Variants in NBEAL1 observed in about 807,000 individuals in gnomAD.
The protein encoded by NBEAL1 is neurobeachin-like protein 1.
In NBEAL1, 273 loss-of-function variants were observed where a neutral mutation model predicts 351.3. The ratio of observed to expected loss-of-function variants is 0.78; its 90% CI spans 0.70 to 0.86. NBEAL1 has a LOEUF of 0.86. Ranked by LOEUF, NBEAL1 falls within the 40% of genes least tolerant of loss-of-function variation. The pLI, the probability that NBEAL1 is intolerant of heterozygous loss-of-function variation, is 0.00. For missense variants in NBEAL1, 2,961 were observed against 3,201.3 expected, an observed-to-expected ratio of 0.92 and a Z score of 1.81; for synonymous variants, 1,050 against 1,086.4, an observed-to-expected ratio of 0.97 and a Z score of 0.66.
chr2:203,084,269 G>A (rs76683651), intron 9 of NBEAL1, among the ~76,000 whole-genome samples, 194 bp from the exon 10 acceptor site: 2 of 151,994 alleles, frequency 1.3e-5, no homozygotes, highest in African/African-American at 2.4e-5. Flanking sequence ...CACTCATAAC[G>A]AACATTAATT....
At chr2:203,199,761 C>T (rs930471940) in intron 49 of NBEAL1, among the ~76,000 whole-genome samples, 10 of 151,900 alleles carry the variant, frequency 6.6e-5, no homozygotes, top group South Asian at 2.1e-4. Flanking sequence ...GATTATAGGC[C>T]GCCTGGCCCT....
intron 8 of NBEAL1, among the ~76,000 whole-genome samples, chr2:203,078,050 T>G (rs908983670): frequency 6.6e-6 from 1 of 152,160 alleles, no homozygotes; most frequent in Non-Finnish European, 1.5e-5. Flanking sequence ...TAAACAAATT[T>G]AACAATTTTT....
intron 36 of NBEAL1, among the ~76,000 whole-genome samples, chr2:203,165,516 G>A (rs1050029137): frequency 5.9e-5 from 9 of 152,128 alleles, no homozygotes; most frequent in African/African-American, 2.2e-4. Context: ...TAACTAAAAT[G>A]ACATGACCAA....
Position 203,107,988 on chromosome 2 carries a change from C to G in NBEAL1, c.1749C>G (p.Ile583Met). The part of the protein sequence containing the change: ...HPYVTPVTRA[I>M]LTMARKLSLE... ...ATGTCACTCCCGTGACTCGAGCAAT[C>G]CTGACAATGGCCCGAAAACTAAGTC... Residue 583 changes from isoleucine (I) to methionine (M), a missense_variant, in exon 14 of 56, where the codon ATC becomes ATG. Physicochemically the swap from Ile to Met is conservative, Grantham distance 10. Transcript: ENST00000683969. 1 of 1,554,726 alleles carries G rather than the reference C, an allele frequency of 6.4e-7. No individual in the cohort carries two copies. The highest frequency in any genetic ancestry group is 8.7e-7 in the Non-Finnish European group (1 of 1,148,004).
intron 12 of NBEAL1, among the ~76,000 whole-genome samples, 157 bp from the exon 13 acceptor site, chr2:203,107,263 A>G (rs1249849983): frequency 1.3e-5 from 2 of 152,176 alleles, no homozygotes; most frequent in African/African-American, 4.8e-5. Flanking sequence ...TTTTAAAATG[A>G]AGACATGATT....
At chr2:203,109,238 T>C (rs1471731101) in intron 14 of NBEAL1, among the ~76,000 whole-genome samples, 1 of 152,076 alleles carries the variant, frequency 6.6e-6, no homozygotes, top group Non-Finnish European at 1.5e-5. Context: ...ATGCCTGTAA[T>C]CCCAGCTACT....
intron 8 of NBEAL1, among the ~76,000 whole-genome samples, chr2:203,078,973 A>G (rs2061826200): frequency 6.6e-6 from 1 of 152,256 alleles, no homozygotes; most frequent in Admixed American, 6.5e-5. Context: ...ACTTCCAAGA[A>G]GAAATTAGCA....
In NBEAL1 at chr2:203,172,837, A is replaced by G. The variant is rs1411946373; in HGVS notation, c.6307A>G (p.Lys2103Glu). 6.2e-7 allele frequency: 1 copy of G among 1,609,440 alleles called. No individual in the cohort carries two copies. The highest frequency in any genetic ancestry group is 1.1e-5 in the South Asian group (1 of 89,934). The change falls in exon 41 of 56, where the codon AAA becomes GAA. Residue 2103 changes from lysine to glutamate, a missense_variant. Coordinates refer to ENST00000683969, the MANE Select transcript of NBEAL1 (RefSeq NM_001378026.1). Reference sequence around the variant, plus strand: ...TGGGGTAGTTAATGAAAAAAACGCCAAAGCTATGAGAGAAAAGTAAGTGCT... The same window carrying G: ...TGGGGTAGTTAATGAAAAAAACGCCGAAGCTATGAGAGAAAAGTAAGTGCT... Reference protein sequence around the residue: ...PIGVVNEKNAKAMREKYENFE... With the variant: ...PIGVVNEKNAEAMREKYENFE...
intron 6 of NBEAL1, among the ~76,000 whole-genome samples, chr2:203,060,479 C>G (rs2061480584): frequency 6.6e-6 from 1 of 152,044 alleles, no homozygotes; most frequent in African/African-American, 2.4e-5. Context: ...AATCAGAGAA[C>G]TTTAAAAATT....
chr2:203,172,650 A>T (rs1365049913), intron 40 of NBEAL1, 79 bp from the exon 41 acceptor site: 2 of 1,274,730 alleles, frequency 1.6e-6, no homozygotes, highest in Admixed American at 5.1e-5. Context: ...TTGTCTTTAG[A>T]TAACCATTTG....
intron 36 of NBEAL1, among the ~76,000 whole-genome samples, chr2:203,163,274 A>G (rs997594493): frequency 2.6e-5 from 4 of 152,236 alleles, no homozygotes; most frequent in African/African-American, 9.6e-5. Context: ...TTATTTAGTC[A>G]AGCCTAGAAT....
intron 24 of NBEAL1, among the ~76,000 whole-genome samples, chr2:203,128,985 G>A (rs184915131): frequency 1.3e-3 from 195 of 152,228 alleles, no homozygotes; most frequent in African/African-American, 4.5e-3. Context: ...ACATTATCCC[G>A]TTTAATCCTC....
intron 2 of NBEAL1, among the ~76,000 whole-genome samples, chr2:203,028,892 A>G (rs1437282700): frequency 6.6e-6 from 1 of 151,976 alleles, no homozygotes; most frequent in Non-Finnish European, 1.5e-5. Flanking sequence ...ATTCCCATAT[A>G]CCCCCTGTCC....
chr2:203,144,210 C>CAAA (rs1203059538), intron 31 of NBEAL1, among the ~76,000 whole-genome samples: 23 of 52,810 alleles, frequency 4.4e-4, no homozygotes, highest in Non-Finnish European at 4.4e-4. Flanking sequence ...GACTCCATCT[C>CAAA]AAAAAAAAAA....
intron 15 of NBEAL1, among the ~76,000 whole-genome samples, chr2:203,111,385 C>A (rs976591732): frequency 6.6e-6 from 1 of 150,388 alleles, no homozygotes; most frequent in African/African-American, 2.4e-5. Context: ...TTGTTTTTTT[C>A]TTTTGAGACA....
At chr2:203,189,289 G>T (rs924364416) in intron 45 of NBEAL1, among the ~76,000 whole-genome samples, 4 of 152,122 alleles carry the variant, frequency 2.6e-5, no homozygotes, top group African/African-American at 9.7e-5. Flanking sequence ...CAGTATTTTT[G>T]TGTAGTTATT....
chr2:203,047,333 G>A (rs1399575661), intron 3 of NBEAL1, among the ~76,000 whole-genome samples: 1 of 151,204 alleles, frequency 6.6e-6, no homozygotes, highest in African/African-American at 2.4e-5. Flanking sequence ...ACATGAGAAT[G>A]GGTATTTTTT....
In NBEAL1 at chr2:203,083,255, G is replaced by T; in HGVS notation, c.721G>T (p.Glu241Ter). ...GCAAGCAATTTCTCCAGCCACTATG[G>T]AAGTTCTTATGCGAGTATTGGCAGA... ...ALQAISPATM[E>*]VLMRVLADCD... Residue 241 changes from glutamate (E) to a stop codon, truncating the protein, a stop_gained, in exon 9 of 56, where the codon GAA (glutamate) becomes TAA (stop). Coordinates refer to ENST00000683969, the MANE Select transcript of NBEAL1 (RefSeq NM_001378026.1). LOFTEE classifies it high-confidence loss of function. 1 of 1,551,888 alleles carries T rather than the reference G, an allele frequency of 6.4e-7. No homozygotes were observed. Among genetic ancestry groups the T allele is most frequent in the Non-Finnish European group, 8.7e-7 (1 of 1,147,012 alleles).
chr2:203,040,060 A>G, intron 2 of NBEAL1: 1 of 688,040 alleles, frequency 1.5e-6, no homozygotes, highest in Non-Finnish European at 2.5e-6. Flanking sequence ...CATTTAAAAA[A>G]TGACTTGGGG....
Sources: gnomAD v4.1 joint callset for allele counts (sites outside exome capture counted in the v4.1 genomes callset) on GRCh38, gnomAD v4.1.1 for gene constraint, MANE v1.5 for transcripts, NCBI Gene and HGNC (gene_info 2026-07-23, HGNC 2026-07-21) for gene names.